The following SH2D3C variants were observed in gnomAD, a reference collection of about 807,000 sequenced individuals.
SH2D3C encodes the protein SH2 domain containing 3C.
A neutral mutation model predicts 75.2 loss-of-function variants in SH2D3C; 25 were observed. The ratio of observed to expected loss-of-function variants is 0.33; its 90% confidence interval spans 0.24 to 0.46. The LOEUF is 0.46. SH2D3C is among the 20% of genes least tolerant of loss of function. SH2D3C has a pLI of 1.00. For missense variants in SH2D3C, 933 were observed against 1,165.3 expected (o/e 0.80, Z 2.90); for synonymous variants, 450 against 473.7 (o/e 0.95, Z 0.65).
At chr9:127,745,662 C>G (rs1333139891) in intron 6 of SH2D3C, among the ~76,000 whole-genome samples, 5 of 151,766 alleles carry the variant, frequency 3.3e-5, no homozygotes, top group Non-Finnish European at 7.4e-5. Context: ...CAGAGTCTCG[C>G]TCTGTTGCCT....
chr9:127,777,242 G>A (rs551137734), intron 1 of SH2D3C, among the ~76,000 whole-genome samples: 1 of 152,302 alleles, frequency 6.6e-6, no homozygotes, highest in Admixed American at 6.5e-5. Flanking sequence ...GACAGAAAAA[G>A]TTTGCTGGGA....
chr9:127,744,877 C>T lies in SH2D3C; in HGVS notation c.1487G>A (p.Cys496Tyr). The T allele has an allele frequency of 6.2e-7, 1 of 1,613,616 alleles. No individual in the cohort carries two copies. Among genetic ancestry groups the T allele is most frequent in the South Asian group, 1.1e-5 (1 of 91,018 alleles). ...SYSDPDSGHY[C>Y]QLQPPVRGSR... The stretch of plus-strand genomic sequence containing the variant: ...GCCACGCACGGGAGGCTGGAGCTGG[C>T]AGTAGTGGCCAGAGTCCGGGTCACT... Residue 496 changes from cysteine (C) to tyrosine (Y), a missense_variant, in exon 7 of 12, where the codon TGC becomes TAC. Cys to Tyr is a radical substitution (Grantham distance 194). Coordinates refer to ENST00000314830, the MANE Select transcript of SH2D3C (RefSeq NM_170600.3).
At chr9:127,757,624 G>GATTATT (rs1491078502) in intron 3 of SH2D3C, among the ~76,000 whole-genome samples, 2 of 117,030 alleles carry the variant, frequency 1.7e-5, no homozygotes, top group African/African-American at 3.2e-5. Flanking sequence ...TGATGATGAT[G>GATTATT]ATGATGATGA....
Position 127,738,890 on chromosome 9 carries a change from C to A in SH2D3C, c.2439G>T (p.Val813=). The stretch of plus-strand genomic sequence containing the variant: ...GGCGCATCTGGAACTCCGTGCTGAA[C>A]ACCTCCAGGAGCTCCGGCCGGGCCT... ...GFQARPELLE[V]FSTEFQMRLL... Residue 813 remains valine (V), a synonymous_variant, in exon 12 of 12, where the codon GTG becomes GTT. Transcript: ENST00000314830. The surrounding 1 kb of genome is among the most constrained non-coding windows in gnomAD (Gnocchi z 5.0). The A allele has an allele frequency of 6.3e-7, 1 of 1,595,334 alleles. No individual in the cohort carries two copies. Among genetic ancestry groups the A allele is most frequent in the Non-Finnish European group, 8.5e-7 (1 of 1,170,936 alleles).
chr9:127,739,989 G>A lies in SH2D3C; in HGVS notation c.2201-101C>T, dbSNP rs149424788. ...TGCAGGAGGGAACGGGCCTGGCTGAGGTCCGGGAGAGAGCCCCAAGGGCTC... is the reference window on the plus strand; with the variant it reads ...TGCAGGAGGGAACGGGCCTGGCTGAAGTCCGGGAGAGAGCCCCAAGGGCTC... On this transcript the variant is annotated intron_variant, in intron 10 of 11. Coordinates refer to ENST00000314830, the MANE Select transcript of SH2D3C (RefSeq NM_170600.3). This position sits in a 1 kb window ranked among gnomAD's most constrained non-coding sequence, Gnocchi z 4.3. 13 of 1,173,060 alleles carry A rather than the reference G, an allele frequency of 1.1e-5. No individual in the cohort carries two copies. The highest frequency in any genetic ancestry group is 1.4e-5 in the Non-Finnish European group (12 of 848,192). The allele number at this position is 1,173,060 out of a possible 1,614,324, so 72.7% of individuals were successfully genotyped here. A position where few individuals can be genotyped will look rare whatever the true frequency, so the allele number is the denominator to read the frequency against.
chr9:127,777,077 T>C (rs1412344424), intron 1 of SH2D3C, among the ~76,000 whole-genome samples: 1 of 152,204 alleles, frequency 6.6e-6, no homozygotes, highest in African/African-American at 2.4e-5. Flanking sequence ...CAATAGCCCG[T>C]GTGACCTCAA....
chr9:127,743,395 C>T (rs895300886), intron 7 of SH2D3C, among the ~76,000 whole-genome samples: 4 of 152,116 alleles, frequency 2.6e-5, no homozygotes, highest in South Asian at 4.2e-4. Flanking sequence ...CCCAGCTACT[C>T]GGGAGGTTGG....
chr9:127,754,949 C>A lies in SH2D3C; in HGVS notation c.556-3649G>T. On this transcript the variant is annotated intron_variant, in intron 3 of 11. Coordinates refer to ENST00000314830, the MANE Select transcript of SH2D3C (RefSeq NM_170600.3). The surrounding 1 kb of genome is among the most constrained non-coding windows in gnomAD (Gnocchi z 4.4). ...GACCCCGCCCCCTCCCCGGGTCGGC[C>A]GGGCCCAGCCCAGCCCGACCCTGCC... The A allele has an allele frequency of 1.9e-6, 1 of 533,584 alleles. No individual in the cohort carries two copies. The allele number at this position is 533,584 out of a possible 1,614,324, so 33.1% of individuals were successfully genotyped here.
At chr9:127,745,925 A>G (rs1845017183) in intron 6 of SH2D3C, among the ~76,000 whole-genome samples, 1 of 152,290 alleles carries the variant, frequency 6.6e-6, no homozygotes, top group Admixed American at 6.5e-5. Context: ...TGCCTGCAAG[A>G]CCCTTCTTTG....
At chr9:127,761,584 G>GACCA (rs1369936204) in intron 3 of SH2D3C, 27 bp downstream of exon 3, 13 of 1,587,320 alleles carry the variant, frequency 8.2e-6, no homozygotes, top group Non-Finnish European at 1.1e-5. Flanking sequence ...AGTGTCCTCT[G>GACCA]ACCAACCCCT....
At chr9:127,769,718 C>T (rs1236241190) in intron 2 of SH2D3C, among the ~76,000 whole-genome samples, 1 of 151,590 alleles carries the variant, frequency 6.6e-6, no homozygotes, top group African/African-American at 2.4e-5. Context: ...TTTTTACTTG[C>T]AGGAGGGGAA....
intron 9 of SH2D3C, among the ~76,000 whole-genome samples, chr9:127,741,241 CT>C (rs71495658): frequency 0.11 from 14,736 of 137,368 alleles, 577 homozygotes; most frequent in African/African-American, 0.14. Context: ...TCTTCTTATT[CT>C]TTTTTTTTTT....
rs573247009 is a variant in SH2D3C, at chr9:127,756,640, C to CTTTT, written c.555+4967_555+4970dup. Among the ~76,000 whole-genome samples, 160 of 93,820 alleles carry CTTTT rather than the reference C, an allele frequency of 1.7e-3. 4 individuals are homozygous for CTTTT. The highest frequency in any genetic ancestry group is 4.5e-3 in the African/African-American group (104 of 22,928). The allele number at this position is 93,820 out of a possible 152,430, so 61.5% of individuals were successfully genotyped here. On this transcript the variant is annotated intron_variant, in intron 3 of 11. Transcript: ENST00000314830. ...ATGAGTATCTCAAGGTAGGAGGGGG[C>CTTTT]TTTTTTTTTTTTTTTTTTTTTTGAG...
chr9:127,765,053 T>G (rs1402055688), intron 2 of SH2D3C, among the ~76,000 whole-genome samples: 1 of 151,994 alleles, frequency 6.6e-6, no homozygotes. Context: ...CTCTGTCATC[T>G]AGGCTGGGAT....
At chr9:127,752,016 C>T (rs1008918382) in intron 3 of SH2D3C, among the ~76,000 whole-genome samples, 6 of 152,188 alleles carry the variant, frequency 3.9e-5, no homozygotes, top group Non-Finnish European at 5.9e-5. Context: ...GCAATCCTCA[C>T]CCAGATGGGG....
In SH2D3C at chr9:127,741,783, A is replaced by C; in HGVS notation, c.2088+5T>G. ...CGGGTGCCAGCTCTGCGCGGCTCTC[A>C]GTACCTGGGCCATGTCCAGGGCACC... is the stretch of plus-strand genomic sequence containing the variant. On this transcript the variant is annotated splice_donor_5th_base_variant and intron_variant, in intron 9 of 11. Transcript: ENST00000314830. The C allele has an allele frequency of 6.2e-7, 1 of 1,612,688 alleles. No homozygotes were observed. Among genetic ancestry groups the C allele is most frequent in the East Asian group, 2.2e-5 (1 of 44,872 alleles).
chr9:127,774,359 G>A lies in SH2D3C; in HGVS notation c.146C>T (p.Thr49Ile). Residue 49 changes from threonine (T) to isoleucine (I), a missense_variant, in exon 2 of 12, where the codon ACC becomes ATC. Thr to Ile is a moderately conservative substitution (Grantham distance 89). Transcript: ENST00000314830. The surrounding 1 kb of genome is among the most constrained non-coding windows in gnomAD (Gnocchi z 4.3). The part of the protein sequence containing the change: ...ISRQSHLEPD[T>I]FEATQDDMVT... ...CATGTCATCCTGCGTGGCTTCAAAG[G>A]TGTCAGGCTCCAAATGGGACTGCCT... 1.2e-6 allele frequency: 2 copies of A among 1,613,702 alleles called. No homozygotes were observed. The highest frequency in any genetic ancestry group is 1.7e-6 in the Non-Finnish European group (2 of 1,179,706).
chr9:127,750,367 C>G (rs1280806192), intron 4 of SH2D3C, among the ~76,000 whole-genome samples: 1 of 152,080 alleles, frequency 6.6e-6, no homozygotes, highest in African/African-American at 2.4e-5. Context: ...GTGGGCCAGG[C>G]TGGTCTGAAA....
At chr9:127,747,389 C>G in intron 5 of SH2D3C, 118 bp from the exon 6 acceptor site, 1 of 946,724 alleles carries the variant, frequency 1.1e-6, no homozygotes, top group African/African-American at 1.6e-5. Context: ...TGGAGATTAT[C>G]AAATCCAACC....
Sources: gnomAD v4.1 joint callset for allele counts (sites outside exome capture counted in the v4.1 genomes callset) on GRCh38, gnomAD v4.1.1 for gene constraint, Gnocchi (gnomAD v3.1) non-coding constraint, MANE v1.5 for transcripts, NCBI Gene and HGNC (gene_info 2026-07-23, HGNC 2026-07-21) for gene names.